The following BAIAP2L1 variants were observed in gnomAD, a reference collection of about 807,000 sequenced individuals.
The protein encoded by BAIAP2L1 is BAR/IMD domain-containing adapter protein 2-like 1.
BAIAP2L1 carries 35 observed loss-of-function variants against 66.3 expected under a neutral mutation model. The ratio of observed to expected loss-of-function variants is 0.53; its 90% CI spans 0.40 to 0.70. The LOEUF (loss-of-function observed/expected upper bound fraction) is 0.70. Ranked by LOEUF, BAIAP2L1 falls within the 30% of genes least tolerant of loss-of-function variation. The pLI is 0.00. For missense variants in BAIAP2L1, 622 were observed against 656.9 expected, an observed-to-expected ratio of 0.95 and a Z score of 0.58; for synonymous variants, 269 against 248.7, an observed-to-expected ratio of 1.08 and a Z score of -0.77.
rs1407677800 is a variant in BAIAP2L1, at chr7:98,393,157, ACACATATATG to A, written c.51+7635_51+7644del. Among the ~76,000 whole-genome samples, 11 of 86,986 alleles carry A rather than the reference ACACATATATG, an allele frequency of 1.3e-4. 3 individuals carry two copies. The highest frequency in any genetic ancestry group is 4.7e-4 in the South Asian group (1 of 2,106). 57.1% of individuals were successfully genotyped at this position (86,986 alleles called of 152,430 possible). A position where few individuals can be genotyped will look rare whatever the true frequency, so the allele number is the denominator to read the frequency against. ...CACACATATGTGTACATATATATGT[ACACATATATG>A]TATATATATACATATATGTGTGTGT... On this transcript the variant is annotated intron_variant, in intron 1 of 13. Coordinates refer to ENST00000005260, the MANE Select transcript of BAIAP2L1 (RefSeq NM_018842.5).
rs911837892 is a variant in BAIAP2L1, at chr7:98,292,884, C to T, written c.*637G>A. ...GAAAAGGAGCTCTCGGAGGAGATTT[C>T]GTCGAGTGCTACGTGTGGCTGTGAT... On this transcript the variant is annotated 3_prime_UTR_variant, in exon 14 of 14. Coordinates refer to ENST00000005260, the MANE Select transcript of BAIAP2L1 (RefSeq NM_018842.5). The T allele has an allele frequency of 3.3e-5, 48 of 1,436,462 alleles. 1 individual carries two copies. The highest frequency in any genetic ancestry group is 1.2e-4 in the South Asian group (8 of 66,550). The allele number at this position is 1,436,462 out of a possible 1,614,324, so 89.0% of individuals were successfully genotyped here.
rs142427064 is a variant in BAIAP2L1, at chr7:98,339,796, C to A, written c.214+15246G>T. ...TCCTGACCCTTCACTGCAGGCCCAG[C>A]ATGGTGCTGTGAAAAAGTTAGAAAT... On this transcript the variant is annotated intron_variant, in intron 3 of 13. Transcript: ENST00000005260. Among the ~76,000 whole-genome samples, 609 of 152,322 alleles carry A rather than the reference C, an allele frequency of 4.0e-3. 8 individuals are homozygous for A. The highest frequency in any genetic ancestry group is 0.03 in the Admixed American group (458 of 15,302).
At chr7:98,328,792 CAT>C (rs550428545) in intron 3 of BAIAP2L1, among the ~76,000 whole-genome samples, 56 of 152,160 alleles carry the variant, frequency 3.7e-4, no homozygotes, top group African/African-American at 8.7e-4. Context: ...AAAATCCACA[CAT>C]GTGATTGTTC....
At chr7:98,353,774 A>G (rs187068007) in intron 3 of BAIAP2L1, among the ~76,000 whole-genome samples, 2,388 of 148,950 alleles carry the variant, frequency 0.016, 71 homozygotes, top group African/African-American at 0.056. Context: ...AGCCTGGCCA[A>G]CATGGCGAAA....
rs79243199 is a variant in BAIAP2L1, at chr7:98,307,518, T to C, written c.1163+171A>G. The C allele has an allele frequency of 4.6e-3, 6,689 of 1,449,348 alleles. 261 individuals are homozygous for C. In the African/African-American group the frequency reaches 0.085, roughly 18 times the overall value. The allele number at this position is 1,449,348 out of a possible 1,614,324, so 89.8% of individuals were successfully genotyped here. On this transcript the variant is annotated intron_variant, in intron 10 of 13. Coordinates refer to ENST00000005260, the MANE Select transcript of BAIAP2L1 (RefSeq NM_018842.5). ...AAATGTATCTCTACATGCACAGACA[T>C]ACAGAAAATAGCCTGGGATCGAATA...
intron 7 of BAIAP2L1, among the ~76,000 whole-genome samples, chr7:98,313,007 G>A (rs1053117395): frequency 1.1e-4 from 16 of 152,146 alleles, no homozygotes; most frequent in African/African-American, 3.6e-4. Flanking sequence ...CTGCGGCTGT[G>A]TGCATGGCAG....
intron 1 of BAIAP2L1, among the ~76,000 whole-genome samples, chr7:98,383,922 G>C (rs1350865303): frequency 6.6e-6 from 1 of 151,970 alleles, no homozygotes; most frequent in Non-Finnish European, 1.5e-5. Context: ...GGGAGGCTGA[G>C]GCGGGCAGAT....
intron 3 of BAIAP2L1, among the ~76,000 whole-genome samples, chr7:98,339,566 T>C (rs553718005): frequency 1.4e-4 from 22 of 152,184 alleles, no homozygotes; most frequent in Non-Finnish European, 2.6e-4. Flanking sequence ...CGTGGCACCA[T>C]GGTGTGCCCG....
rs148664209 is a variant in BAIAP2L1, at chr7:98,304,211, G to C, written c.1407C>G (p.Pro469=). 8.2e-5 allele frequency: 131 copies of C among 1,601,310 alleles called. No homozygotes were observed. In the African/African-American group the frequency reaches 1.6e-3, roughly 19 times the overall value. ...CTTTACTCACAGGAGCCGCGGTCTCGGGCTTGGACGCTGGGGCCTTAAAGG... is the reference window on the plus strand; with the variant it reads ...CTTTACTCACAGGAGCCGCGGTCTCCGGCTTGGACGCTGGGGCCTTAAAGG... ...TSTFKAPASK[P]ETAAPNDANG... The change falls in exon 12 of 14, where the codon CCC becomes CCG. Residue 469 remains proline (P), a synonymous_variant. Coordinates refer to ENST00000005260, the MANE Select transcript of BAIAP2L1 (RefSeq NM_018842.5).
chr7:98,295,232 T>G (rs1454443217), intron 12 of BAIAP2L1, among the ~76,000 whole-genome samples: 3 of 152,128 alleles, frequency 2.0e-5, no homozygotes, highest in Admixed American at 2.0e-4. Flanking sequence ...GCATGTTGGG[T>G]GTACAGGCTG....
At chr7:98,375,760 A>G (rs1802612790) in intron 1 of BAIAP2L1, among the ~76,000 whole-genome samples, 1 of 151,046 alleles carries the variant, frequency 6.6e-6, no homozygotes, top group South Asian at 2.1e-4. Context: ...AAAAAAAAAA[A>G]AAGAAAAGAA....
intron 12 of BAIAP2L1, among the ~76,000 whole-genome samples, chr7:98,295,826 A>C (rs975666412): frequency 9.2e-5 from 14 of 152,228 alleles, no homozygotes. Flanking sequence ...AAAAGGTCCC[A>C]GTAAATCCTC....
At chr7:98,334,790 C>T (rs537163415) in intron 3 of BAIAP2L1, among the ~76,000 whole-genome samples, 3 of 151,630 alleles carry the variant, frequency 2.0e-5, no homozygotes, top group African/African-American at 7.2e-5. Flanking sequence ...AGGTGATCCG[C>T]CCGCCTCGGC....
At chr7:98,378,810 T>C (rs552263357) in intron 1 of BAIAP2L1, among the ~76,000 whole-genome samples, 33 of 151,926 alleles carry the variant, frequency 2.2e-4, no homozygotes, top group Middle Eastern at 3.4e-3. Context: ...GCTCAGCACT[T>C]TGGGAGGCCA....
chr7:98,376,331 C>T (rs567315634), intron 1 of BAIAP2L1, among the ~76,000 whole-genome samples: 16 of 151,648 alleles, frequency 1.1e-4, no homozygotes, highest in Non-Finnish European at 1.9e-4. Context: ...AGTGAGACCC[C>T]GTCTCTACCA....
In BAIAP2L1 at chr7:98,292,903, C is replaced by T. The variant is rs907589117; in HGVS notation, c.*618G>A. ...AGATTTCGTCGAGTGCTACGTGTGG[C>T]TGTGATAAGGGCAGGCAAAGCGTCT... On this transcript the variant is annotated 3_prime_UTR_variant, in exon 14 of 14. Transcript: ENST00000005260. The T allele has an allele frequency of 7.1e-7, 1 of 1,415,860 alleles. No homozygotes were observed. Among genetic ancestry groups the T allele is most frequent in the Non-Finnish European group, 9.2e-7 (1 of 1,087,658 alleles). The allele number at this position is 1,415,860 out of a possible 1,614,324, so 87.7% of individuals were successfully genotyped here.
chr7:98,351,624 T>C (rs1312277879), intron 3 of BAIAP2L1, among the ~76,000 whole-genome samples: 1 of 151,960 alleles, frequency 6.6e-6, no homozygotes, highest in African/African-American at 2.4e-5. Context: ...CCTGGCACCA[T>C]GAGGAAATGA....
intron 12 of BAIAP2L1, among the ~76,000 whole-genome samples, chr7:98,302,346 A>G (rs1480452229): frequency 6.6e-6 from 1 of 152,218 alleles, no homozygotes; most frequent in African/African-American, 2.4e-5. Context: ...ACAATGCCAG[A>G]GCTGTGATTT....
chr7:98,310,258 C>T (rs74724405), intron 9 of BAIAP2L1, 187 bp downstream of exon 9: 10 of 556,980 alleles, frequency 1.8e-5, no homozygotes, highest in East Asian at 1.3e-4. Flanking sequence ...CTTATCAGAG[C>T]GTCTCACAGT....
Sources: allele counts gnomAD v4.1 joint callset (sites outside exome capture counted in the v4.1 genomes callset), GRCh38; gene constraint gnomAD v4.1.1; transcripts MANE v1.5; gene names NCBI Gene and HGNC (gene_info 2026-07-23, HGNC 2026-07-21).